Variants in PCDH19 observed in about 807,000 individuals in gnomAD.
PCDH19 encodes protocadherin-19.
In PCDH19, 6 loss-of-function variants were observed where a neutral mutation model predicts 46.2. That is an observed-to-expected ratio of 0.13 (90% CI 0.07 to 0.26). PCDH19 has a LOEUF of 0.26. Ranked by LOEUF, PCDH19 falls within the 10% of genes least tolerant of loss-of-function variation. PCDH19 has a pLI of 1.00. For synonymous variants in PCDH19, 481 were observed against 415.7 expected (o/e 1.16, Z -1.91); for missense variants, 740 against 972.3 (o/e 0.76, Z 3.18).
At chrX:100,307,096 A>G (rs1294036565) in intron 5 of PCDH19, among the ~76,000 whole-genome samples, 1 of 111,689 alleles carries the variant, frequency 9.0e-6, no homozygotes, top group Non-Finnish European at 1.9e-5. Flanking sequence ...GACATAACAA[A>G]AAAAGAAAGC....
intron 3 of PCDH19, among the ~76,000 whole-genome samples, chrX:100,384,113 C>A (rs1008338120): frequency 9.0e-6 from 1 of 111,545 alleles, no homozygotes; most frequent in Non-Finnish European, 1.9e-5. Context: ...CATAAAAATA[C>A]TGGAAGAAAT....
chrX:100,324,148 T>C (rs1406502953), intron 5 of PCDH19, among the ~76,000 whole-genome samples: 1 of 111,666 alleles, frequency 9.0e-6, no homozygotes, highest in East Asian at 2.8e-4. Flanking sequence ...AGCCACCTTG[T>C]TTAGGAAAGG....
chrX:100,296,003 T>C lies in PCDH19; in HGVS notation c.*274A>G. ...TATATAAATTCAAACACTTAATACA[T>C]AATACTTTTCACAACTGAATTTGTC... On this transcript the variant is annotated 3_prime_UTR_variant, in exon 6 of 6. Coordinates refer to ENST00000373034, the MANE Select transcript of PCDH19 (RefSeq NM_001184880.2). 1 of 387,323 alleles carries C rather than the reference T, an allele frequency of 2.6e-6. No homozygotes were observed. 31.9% of individuals were successfully genotyped at this position (387,323 alleles called of 1,213,427 possible).
chrX:100,303,185 G>C (rs1413233524), intron 5 of PCDH19, among the ~76,000 whole-genome samples: 5 of 110,354 alleles, frequency 4.5e-5, no homozygotes, highest in African/African-American at 1.7e-4. Flanking sequence ...ACTAACAATA[G>C]TTAATAGTGC....
At chrX:100,393,497 T>TACACACACACACACACACAC (rs57070852) in intron 3 of PCDH19, among the ~76,000 whole-genome samples, 8 of 90,067 alleles carry the variant, frequency 8.9e-5, no homozygotes, top group Admixed American at 3.8e-4. Flanking sequence ...CATACATACA[T>TACACACACACACACACACAC]ACACACACAC....
chrX:100,337,594 G>C (rs1926125127), intron 5 of PCDH19, among the ~76,000 whole-genome samples: 1 of 111,956 alleles, frequency 8.9e-6, no homozygotes, highest in African/African-American at 3.2e-5. Context: ...CCTGGTCTTA[G>C]GCATGTCAAG....
intron 3 of PCDH19, among the ~76,000 whole-genome samples, chrX:100,356,866 T>G (rs1926734589): frequency 9.0e-6 from 1 of 111,063 alleles, no homozygotes; most frequent in Admixed American, 9.6e-5. Flanking sequence ...ATTCTCTCCC[T>G]AGGATTGTCA....
In PCDH19 at chrX:100,295,369, C is replaced by T. The variant is rs1191930664; in HGVS notation, c.*908G>A. The T allele has an allele frequency of 8.9e-6, 1 of 112,144 alleles. No individual in the cohort carries two copies. Among genetic ancestry groups the T allele is most frequent in the Non-Finnish European group, 1.9e-5 (1 of 53,259 alleles). 9.2% of individuals were successfully genotyped at this position (112,144 alleles called of 1,213,427 possible). On this transcript the variant is annotated 3_prime_UTR_variant, in exon 6 of 6. Coordinates refer to ENST00000373034, the MANE Select transcript of PCDH19 (RefSeq NM_001184880.2). Reference sequence around the variant, plus strand: ...GATGGATGTCATAAAACTTTCAGCACAGTATTTCTGACAACTGCAAATTAG... The same window carrying T: ...GATGGATGTCATAAAACTTTCAGCATAGTATTTCTGACAACTGCAAATTAG...
intron 5 of PCDH19, among the ~76,000 whole-genome samples, chrX:100,317,191 C>T (rs891161622): frequency 2.7e-5 from 3 of 111,567 alleles, no homozygotes; most frequent in Non-Finnish European, 5.6e-5. Flanking sequence ...TGTCTGGCTC[C>T]AGCCCAGCTA....
At chrX:100,402,989 T>C in intron 2 of PCDH19, 138 bp from the exon 3 acceptor site, 1 of 523,624 alleles carries the variant, frequency 1.9e-6, no homozygotes, top group Non-Finnish European at 3.3e-6. Flanking sequence ...TCATCGGGTT[T>C]CTCCCTGTGC....
Position 100,322,865 on chromosome X carries a change from A to ATATATTTTTT in PCDH19, c.2848+19037_2848+19038insAAAAAATATA. 2.6e-3 allele frequency among the ~76,000 whole-genome samples: 144 copies of ATATATTTTTT among 54,389 alleles called. 2 individuals carry two copies. Among genetic ancestry groups the ATATATTTTTT allele is most frequent in the Non-Finnish European group, 4.1e-3 (123 of 30,188 alleles). The allele number at this position is 54,389 out of a possible 115,157, so 47.2% of individuals were successfully genotyped here. ...TATATATATATATATATATATATAT[A>ATATATTTTTT]TTTTTGCAGCTATTGTAAAAGGGGT... On this transcript the variant is annotated intron_variant, in intron 5 of 5. Transcript: ENST00000373034.
chrX:100,342,847 C>G (rs1408676274), intron 4 of PCDH19, among the ~76,000 whole-genome samples: 1 of 112,040 alleles, frequency 8.9e-6, no homozygotes, highest in Non-Finnish European at 1.9e-5. Context: ...GAGTCAGTAG[C>G]TGAGCGTGGA....
chrX:100,300,912 C>CT (rs1924755950), intron 5 of PCDH19, among the ~76,000 whole-genome samples: 2 of 10,306 alleles, frequency 1.9e-4, no homozygotes, highest in Non-Finnish European at 5.7e-4. Context: ...AAACCCCTGG[C>CT]CAAAAAAAAA....
chrX:100,391,897 C>T (rs762032584), intron 3 of PCDH19, among the ~76,000 whole-genome samples: 2 of 112,415 alleles, frequency 1.8e-5, no homozygotes, highest in East Asian at 5.6e-4. Flanking sequence ...CTTGGGCTCA[C>T]TCACACACTA....
At chrX:100,377,341 T>C (rs1927417557) in intron 3 of PCDH19, among the ~76,000 whole-genome samples, 1 of 111,771 alleles carries the variant, frequency 8.9e-6, no homozygotes, top group South Asian at 3.8e-4. Flanking sequence ...ACATGTTGCC[T>C]TCTAAGGTGC....
chrX:100,383,497 T>C (rs1569307945), intron 3 of PCDH19, among the ~76,000 whole-genome samples: 1 of 112,116 alleles, frequency 8.9e-6, no homozygotes, highest in East Asian at 2.8e-4. Flanking sequence ...AAGAGCCCAC[T>C]CAAAATAACA....
Position 100,403,613 on chromosome X carries a change from G to C in PCDH19, c.2199C>G (p.Asn733Lys). The part of the protein sequence containing the change: ...CLLGCFIKGQ[N>K]SKCLHCISVS... ...CCGAGATGCAATGCAGACACTTGCT[G>C]TTTTGTCCTTTTATAAAACAGCCGA... The change falls in exon 2 of 6, where the codon AAC becomes AAG. Residue 733 changes from asparagine (N) to lysine (K), a missense_variant. Transcript: ENST00000373034. 8.3e-7 allele frequency: 1 copy of C among 1,207,628 alleles called. No individual in the cohort carries two copies. Among genetic ancestry groups the C allele is most frequent in the African/African-American group, 1.7e-5 (1 of 57,821 alleles).
chrX:100,400,880 T>C (rs1928158143), intron 3 of PCDH19, among the ~76,000 whole-genome samples: 1 of 111,645 alleles, frequency 9.0e-6, no homozygotes, highest in Admixed American at 9.5e-5. Context: ...CCTGGGTATG[T>C]CAGGCTGAAT....
intron 5 of PCDH19, among the ~76,000 whole-genome samples, chrX:100,334,898 A>G (rs374854819): frequency 9.1e-6 from 1 of 109,632 alleles, no homozygotes; most frequent in African/African-American, 3.4e-5. Flanking sequence ...ACAATATGCT[A>G]TAACACAATA....
Sources: allele counts gnomAD v4.1 joint callset (sites outside exome capture counted in the v4.1 genomes callset), GRCh38; gene constraint gnomAD v4.1.1; transcripts MANE v1.5; gene names NCBI Gene and HGNC (gene_info 2026-07-23, HGNC 2026-07-21).